Variants in CPAMD8 observed in about 807,000 individuals in gnomAD.
The protein encoded by CPAMD8 is C3 and PZP like alpha-2-macroglobulin domain containing 8, also known as C3 and PZP-like alpha-2-macroglobulin domain-containing protein 8.
CPAMD8 carries 146 observed loss-of-function variants against 224.7 expected under a neutral mutation model. That is an observed-to-expected ratio of 0.65 (90% CI 0.57 to 0.75). The LOEUF (loss-of-function observed/expected upper bound fraction) is 0.75. Ranked by LOEUF, CPAMD8 falls within the 30% of genes least tolerant of loss-of-function variation. The pLI, the probability that CPAMD8 is intolerant of heterozygous loss-of-function variation, is 0.00. For synonymous variants in CPAMD8, 966 were observed against 1,044.6 expected, an observed-to-expected ratio of 0.92 and a Z score of 1.45; for missense variants, 2,301 against 2,537.5, an observed-to-expected ratio of 0.91 and a Z score of 2.00.
chr19:16,897,653 G>T, intron 39 of CPAMD8, 38 bp downstream of exon 39: 1 of 1,224,190 alleles, frequency 8.2e-7, no homozygotes, highest in Non-Finnish European at 1.1e-6. Context: ...GGGTGTGGCA[G>T]GCCGCGGTGG....
chr19:16,972,155 G>A (rs191536204), intron 17 of CPAMD8, among the ~76,000 whole-genome samples: 1 of 152,226 alleles, frequency 6.6e-6, no homozygotes, highest in African/African-American at 2.4e-5. Flanking sequence ...GGGATGCAAT[G>A]ATCTCTTTTA....
intron 7 of CPAMD8, among the ~76,000 whole-genome samples, chr19:17,007,940 G>A (rs1416202236): frequency 6.6e-6 from 1 of 152,206 alleles, no homozygotes; most frequent in Non-Finnish European, 1.5e-5. Context: ...GGACAAGGCG[G>A]GTGGATCACC....
chr19:16,928,670 C>T (rs548769751), intron 24 of CPAMD8, among the ~76,000 whole-genome samples: 1 of 152,114 alleles, frequency 6.6e-6, no homozygotes, highest in Non-Finnish European at 1.5e-5. Context: ...CCCCCCAACC[C>T]CCATTTCACT....
At chr19:16,984,233 T>G (rs1329200609) in intron 13 of CPAMD8, among the ~76,000 whole-genome samples, 1 of 150,720 alleles carries the variant, frequency 6.6e-6, no homozygotes, top group Middle Eastern at 3.2e-3. Context: ...GAGGATCACT[T>G]GAGCCCAGGA....
intron 20 of CPAMD8, among the ~76,000 whole-genome samples, chr19:16,949,217 G>T (rs1387745516): frequency 6.6e-6 from 1 of 152,000 alleles, no homozygotes; most frequent in Non-Finnish European, 1.5e-5. Flanking sequence ...TACAAGCTGG[G>T]GTGGTCCTTA....
chr19:16,956,489 G>A (rs1007589964), intron 19 of CPAMD8, among the ~76,000 whole-genome samples: 18 of 151,916 alleles, frequency 1.2e-4, no homozygotes, highest in Non-Finnish European at 2.5e-4. Context: ...AAAATGTTAT[G>A]AGTGCTGGGA....
chr19:17,011,135 T>C (rs1250515581), intron 5 of CPAMD8, among the ~76,000 whole-genome samples: 2 of 151,680 alleles, frequency 1.3e-5, no homozygotes, highest in Admixed American at 1.3e-4. Context: ...GCAGAGGTTG[T>C]AGTGAGCCGA....
At chr19:16,988,736 G>A (rs992641249) in intron 13 of CPAMD8, among the ~76,000 whole-genome samples, 3 of 152,166 alleles carry the variant, frequency 2.0e-5, no homozygotes, top group African/African-American at 7.2e-5. Flanking sequence ...AGGTCCCTTA[G>A]AGCAGGGGTC....
At chr19:16,998,283 A>C (rs2056199910) in intron 10 of CPAMD8, among the ~76,000 whole-genome samples, 1 of 152,124 alleles carries the variant, frequency 6.6e-6, no homozygotes, top group Non-Finnish European at 1.5e-5. Flanking sequence ...AACATGGCAA[A>C]ACCCTGTCTC....
chr19:16,904,176 A>ACCCCCCCCCCCCCCCCCCCCCC, intron 32 of CPAMD8, 50 bp downstream of exon 32: 1 of 937,336 alleles, frequency 1.1e-6, no homozygotes, highest in East Asian at 2.6e-5. Flanking sequence ...GACTGCAGGG[A>ACCCCCCCCCCCCCCCCCCCCCC]CCCCACCCAC....
At chr19:16,972,242 C>T (rs1403724799) in intron 17 of CPAMD8, among the ~76,000 whole-genome samples, 1 of 151,484 alleles carries the variant, frequency 6.6e-6, no homozygotes, top group Non-Finnish European at 1.5e-5. Flanking sequence ...TAGCTCACTG[C>T]AGCCTCAAAC....
chr19:16,987,861 AC>A (rs2055802386), intron 13 of CPAMD8, among the ~76,000 whole-genome samples: 1 of 151,480 alleles, frequency 6.6e-6, no homozygotes, highest in South Asian at 2.1e-4. Context: ...ATGTGATTTC[AC>A]CATGTTGCCC....
chr19:16,894,833 G>A (rs116034036), intron 41 of CPAMD8: 82 of 253,686 alleles, frequency 3.2e-4, no homozygotes, highest in African/African-American at 1.7e-3. Context: ...CTTGAGCCCA[G>A]GAATTTGAGG....
chr19:16,977,334 G>C (rs750469341), intron 15 of CPAMD8, 34 bp downstream of exon 15: 2 of 1,520,448 alleles, frequency 1.3e-6, no homozygotes, highest in Non-Finnish European at 9.1e-7. Context: ...GATGGCCCCT[G>C]GCTGTGTCCC....
intron 23 of CPAMD8, among the ~76,000 whole-genome samples, chr19:16,932,923 CATTT>C (rs2053587055): frequency 6.6e-6 from 1 of 152,164 alleles, no homozygotes; most frequent in Non-Finnish European, 1.5e-5. Context: ...ACAAAAATAT[CATTT>C]TTTTCTTTTA....
intron 36 of CPAMD8, among the ~76,000 whole-genome samples, chr19:16,900,578 A>T (rs1263316461): frequency 3.3e-5 from 5 of 151,514 alleles, no homozygotes; most frequent in Non-Finnish European, 5.9e-5. Flanking sequence ...CTGGGCAACA[A>T]GAGCAAAACT....
At chr19:17,014,608 G>C (rs2056762735) in intron 3 of CPAMD8, among the ~76,000 whole-genome samples, 1 of 152,154 alleles carries the variant, frequency 6.6e-6, no homozygotes, top group Non-Finnish European at 1.5e-5. Context: ...CGTCTTACAT[G>C]GTGGCAGGCA....
chr19:17,003,025 C>T (rs972729608), intron 8 of CPAMD8, among the ~76,000 whole-genome samples: 1 of 151,854 alleles, frequency 6.6e-6, no homozygotes, highest in African/African-American at 2.4e-5. Flanking sequence ...GCCTCAGCCT[C>T]CCAAGTAGCT....
intron 20 of CPAMD8, among the ~76,000 whole-genome samples, 171 bp downstream of exon 20, chr19:16,951,798 A>C (rs1464242514): frequency 6.6e-6 from 1 of 151,902 alleles, no homozygotes; most frequent in Non-Finnish European, 1.5e-5. Context: ...ATCCTCCCCA[A>C]AGCCCCCCAG....
Sources: gnomAD v4.1 joint callset for allele counts (sites outside exome capture counted in the v4.1 genomes callset) on GRCh38, gnomAD v4.1.1 for gene constraint, MANE v1.5 for transcripts, NCBI Gene and HGNC (gene_info 2026-07-23, HGNC 2026-07-21) for gene names.